NME7: variants seen among roughly 807,000 people sequenced by gnomAD.
NME7 encodes the protein nucleoside diphosphate kinase 7.
Under a neutral mutation model 49.1 loss-of-function variants are expected in NME7, and 41 were observed. The ratio of observed to expected loss-of-function variants is 0.83; its 90% confidence interval spans 0.65 to 1.08. NME7 has a LOEUF of 1.08. Ranked by LOEUF, NME7 falls within the 50% of genes least tolerant of loss-of-function variation. The pLI is 0.00. For missense variants in NME7, 423 were observed against 463.4 expected, an observed-to-expected ratio of 0.91 and a Z score of 0.80; for synonymous variants, 139 against 150.6, an observed-to-expected ratio of 0.92 and a Z score of 0.56.
chr1:169,246,298 C>T (rs1192565272), intron 7 of NME7, among the ~76,000 whole-genome samples: 1 of 151,992 alleles, frequency 6.6e-6, no homozygotes, highest in Non-Finnish European at 1.5e-5. Context: ...AGAGCGAGAC[C>T]GTGTCTCAAA....
rs1403047212 is a variant in NME7 at position 169,262,505 on chromosome 1, C to A, written c.754+24798G>T. Among the ~76,000 whole-genome samples, 2 of 133,948 alleles carry A rather than the reference C, an allele frequency of 1.5e-5. 1 individual carries two copies. Among genetic ancestry groups the A allele is most frequent in the Non-Finnish European group, 3.5e-5 (2 of 56,936 alleles). 87.9% of individuals were successfully genotyped at this position (133,948 alleles called of 152,430 possible). A position where few individuals can be genotyped will look rare whatever the true frequency, so the allele number is the denominator to read the frequency against. ...CTGGAAGTAGTTCATGTGTGCCACTCCCAGGGGGAGAAAACAAAAGTGCTA... is the reference window on the plus strand; with the variant it reads ...CTGGAAGTAGTTCATGTGTGCCACTACCAGGGGGAGAAAACAAAAGTGCTA... On this transcript the variant is annotated intron_variant, in intron 7 of 11. Coordinates refer to ENST00000367811, the MANE Select transcript of NME7 (RefSeq NM_013330.5).
At chr1:169,355,921 T>C (rs962089332) in intron 1 of NME7, among the ~76,000 whole-genome samples, 2 of 152,162 alleles carry the variant, frequency 1.3e-5, no homozygotes, top group African/African-American at 2.4e-5. Context: ...TTAAAAATAA[T>C]TGTTGAATGA....
intron 10 of NME7, among the ~76,000 whole-genome samples, chr1:169,170,736 G>A (rs1008441915): frequency 2.0e-5 from 3 of 152,120 alleles, no homozygotes; most frequent in Non-Finnish European, 4.4e-5. Flanking sequence ...CTAACATGGT[G>A]AAGCCCTGTC....
chr1:169,237,430 A>G (rs754218412), intron 8 of NME7, among the ~76,000 whole-genome samples, 193 bp downstream of exon 8: 23 of 152,122 alleles, frequency 1.5e-4, no homozygotes, highest in Non-Finnish European at 2.2e-4. Flanking sequence ...TACTTCTCTC[A>G]GTAAAATATT....
chr1:169,133,324 C>G (rs932494574), intron 11 of NME7, among the ~76,000 whole-genome samples: 6 of 152,338 alleles, frequency 3.9e-5, no homozygotes, highest in African/African-American at 1.4e-4. Flanking sequence ...AATGCCCACA[C>G]TAAAATCAGG....
chr1:169,235,885 A>G (rs1200044570), intron 8 of NME7, among the ~76,000 whole-genome samples: 3 of 152,092 alleles, frequency 2.0e-5, no homozygotes. Flanking sequence ...CTGAATTTAA[A>G]TTTAGTTAGG....
chr1:169,172,354 GTA>G (rs1491050458), intron 10 of NME7, among the ~76,000 whole-genome samples: 1 of 60,294 alleles, frequency 1.7e-5, no homozygotes, highest in African/African-American at 4.7e-5. Flanking sequence ...GTGTGTGTGT[GTA>G]TGTGTATGTG....
chr1:169,225,193 C>G (rs1479184338), intron 10 of NME7, among the ~76,000 whole-genome samples: 1 of 152,152 alleles, frequency 6.6e-6, no homozygotes, highest in Admixed American at 6.5e-5. Flanking sequence ...ACTGCAACCT[C>G]CACCTCCCGG....
chr1:169,242,067 GC>G (rs749617626), intron 7 of NME7, among the ~76,000 whole-genome samples: 220 of 151,860 alleles, frequency 1.4e-3, no homozygotes, highest in Non-Finnish European at 2.4e-3. Context: ...GGGATTACAG[GC>G]ACATACCACT....
Position 169,298,691 on chromosome 1 carries a change from T to C in NME7, c.513A>G (p.Glu171=), listed in dbSNP as rs1317949740. ...TTGCAGGTCCCAGCAGTCTTTTCCA[T>C]TCACATATAGCATCATCTCTTAAAA... The part of the protein sequence containing the change: ...MEILRDDAIC[E]WKRLLGPANS... Residue 171 remains glutamate, a synonymous_variant, in exon 6 of 12, where the codon GAA becomes GAG. Coordinates refer to ENST00000367811, the MANE Select transcript of NME7 (RefSeq NM_013330.5). 4 of 1,613,924 alleles carry C rather than the reference T, an allele frequency of 2.5e-6. No individual in the cohort carries two copies. In the South Asian group the frequency reaches 3.3e-5, roughly 13 times the overall value.
Position 169,257,217 on chromosome 1 carries a change from C to T in NME7, c.755-19530G>A, listed in dbSNP as rs1405638037. Among the ~76,000 whole-genome samples, 10 of 134,388 alleles carry T rather than the reference C, an allele frequency of 7.4e-5. 1 individual carries two copies. Among genetic ancestry groups the T allele is most frequent in the African/African-American group, 2.5e-4 (10 of 39,688 alleles). The allele number at this position is 134,388 out of a possible 152,430, so 88.2% of individuals were successfully genotyped here. A position where few individuals can be genotyped will look rare whatever the true frequency, so the allele number is the denominator to read the frequency against. On this transcript the variant is annotated intron_variant, in intron 7 of 11. Coordinates refer to ENST00000367811, the MANE Select transcript of NME7 (RefSeq NM_013330.5). ...ACTGCTGTGCTGGCAATCGGCGAGA[C>T]TCCGTGGGCATAGGACCCTCCAAGC...
intron 11 of NME7, among the ~76,000 whole-genome samples, chr1:169,164,981 C>G (rs1344512871): frequency 6.6e-6 from 1 of 152,196 alleles, no homozygotes; most frequent in Non-Finnish European, 1.5e-5. Flanking sequence ...TTTGATTACT[C>G]AGCTGAACAT....
intron 10 of NME7, among the ~76,000 whole-genome samples, chr1:169,177,217 C>T (rs1659778861): frequency 6.6e-6 from 1 of 152,154 alleles, no homozygotes; most frequent in Non-Finnish European, 1.5e-5. Context: ...ACTCTTGGCA[C>T]TTCTAACATC....
chr1:169,300,399 C>T (rs1650892895), intron 5 of NME7, among the ~76,000 whole-genome samples: 1 of 152,058 alleles, frequency 6.6e-6, no homozygotes, highest in African/African-American at 2.4e-5. Flanking sequence ...AAACCCACTA[C>T]TCAGTGCAGG....
At chr1:169,203,445 G>A (rs995240165) in intron 10 of NME7, among the ~76,000 whole-genome samples, 2 of 152,114 alleles carry the variant, frequency 1.3e-5, no homozygotes, top group African/African-American at 4.8e-5. Context: ...AGAATTCTGG[G>A]TGATACCTCA....
chr1:169,251,237 G>A (rs1168590498), intron 7 of NME7, among the ~76,000 whole-genome samples: 3 of 151,672 alleles, frequency 2.0e-5, no homozygotes, highest in Non-Finnish European at 4.4e-5. Context: ...GACCTTCTTT[G>A]TCTTTTTTTA....
intron 11 of NME7, among the ~76,000 whole-genome samples, chr1:169,154,215 G>C (rs79499197): frequency 1.3e-5 from 2 of 151,818 alleles, no homozygotes; most frequent in East Asian, 3.9e-4. Flanking sequence ...GTCTTGCCAT[G>C]TTGCCCAGGC....
chr1:169,273,483 T>C lies in NME7; in HGVS notation c.754+13820A>G, dbSNP rs1328408934. ...TTAATTTTTTTTTATTATTATACTTTAAGTTTTAGGGTACATGCGCACAAT... is the reference window on the plus strand; with the variant it reads ...TTAATTTTTTTTTATTATTATACTTCAAGTTTTAGGGTACATGCGCACAAT... On this transcript the variant is annotated intron_variant, in intron 7 of 11. Coordinates refer to ENST00000367811, the MANE Select transcript of NME7 (RefSeq NM_013330.5). Among the ~76,000 whole-genome samples, 4 of 132,032 alleles carry C rather than the reference T, an allele frequency of 3.0e-5. 1 individual carries two copies. The highest frequency in any genetic ancestry group is 2.4e-4 in the South Asian group (1 of 4,240). The allele number at this position is 132,032 out of a possible 152,430, so 86.6% of individuals were successfully genotyped here. A position where few individuals can be genotyped will look rare whatever the true frequency, so the allele number is the denominator to read the frequency against.
chr1:169,230,840 G>GT, intron 9 of NME7, 21 bp from the exon 10 acceptor site: 1 of 1,466,044 alleles, frequency 6.8e-7, no homozygotes, highest in Non-Finnish European at 9.2e-7. Context: ...TAATATAAAA[G>GT]AATGAAAAGA....
Sources: gnomAD v4.1 joint callset for allele counts (sites outside exome capture counted in the v4.1 genomes callset) on GRCh38, gnomAD v4.1.1 for gene constraint, MANE v1.5 for transcripts, NCBI Gene and HGNC (gene_info 2026-07-23, HGNC 2026-07-21) for gene names.